BRD9: variants seen among roughly 807,000 people sequenced by gnomAD.
BRD9 encodes bromodomain-containing protein 9.
BRD9 carries 47 observed loss-of-function variants against 68.7 expected under a neutral mutation model. The observed-to-expected ratio is 0.68, with a 90% CI of 0.54 to 0.87. The LOEUF (loss-of-function observed/expected upper bound fraction) is 0.87. Among genes scored for constraint, BRD9 ranks in the 40% least tolerant of loss-of-function variants. The pLI is 0.00. For missense variants in BRD9, 670 were observed against 748.4 expected (o/e 0.90, Z 1.22); for synonymous variants, 313 against 293.9 (o/e 1.06, Z -0.67).
At chr5:891,401 C>G in intron 2 of BRD9, 114 bp from the exon 3 acceptor site, 10 of 1,426,534 alleles carry the variant, frequency 7.0e-6, no homozygotes, top group South Asian at 5.8e-5. Context: ...AAACCCCCTC[C>G]GAGATCCTCC....
chr5:892,787 G>C lies in BRD9; in HGVS notation c.-130C>G, dbSNP rs918558451. Reference sequence around the variant, plus strand: ...TGCGCCGAGGTTGCCGAGCTCGCTGGGCCGCGCCGGAAACGGGGCGAGGCG... The same window carrying C: ...TGCGCCGAGGTTGCCGAGCTCGCTGCGCCGCGCCGGAAACGGGGCGAGGCG... On this transcript the variant is annotated 5_prime_UTR_variant, in exon 1 of 16. Coordinates refer to ENST00000467963, the MANE Select transcript of BRD9 (RefSeq NM_023924.5). 3 of 1,061,936 alleles carry C rather than the reference G, an allele frequency of 2.8e-6. No individual in the cohort carries two copies. Among genetic ancestry groups the C allele is most frequent in the East Asian group, 7.1e-5 (2 of 28,086 alleles). The allele number at this position is 1,061,936 out of a possible 1,614,324, so 65.8% of individuals were successfully genotyped here.
intron 8 of BRD9, chr5:883,244 A>G (rs1752060144): frequency 1.4e-5 from 6 of 442,988 alleles, no homozygotes. Flanking sequence ...TGAAGACTTA[A>G]TATGAAAAAA....
In BRD9 at chr5:891,655, T is replaced by C. The variant is rs1196673785; in HGVS notation, c.252A>G (p.Glu84=). 1.3e-6 allele frequency: 2 copies of C among 1,551,464 alleles called. No individual in the cohort carries two copies. Among genetic ancestry groups the C allele is most frequent in the Non-Finnish European group, 1.7e-6 (2 of 1,147,010 alleles). ...SEKEKHLDDE[E]RRKRKEEKKR... is the part of the protein sequence containing the mutation. ...GCTCCTTTACCTTTCGCTTCCTTCT[T>C]TCCTCATCGTCCAGATGCTTCTCCT... Residue 84 remains glutamate (E), a synonymous_variant, in exon 2 of 16, where the codon GAA becomes GAG. Coordinates refer to ENST00000467963, the MANE Select transcript of BRD9 (RefSeq NM_023924.5).
chr5:865,395 G>T lies in BRD9; in HGVS notation c.1693+19C>A. On this transcript the variant is annotated intron_variant, in intron 15 of 15. Transcript: ENST00000467963. ...GTGCTGGGGTCTCTGGGGATGCGGC[G>T]TGGGTGGGGGCATCTCACCCAGGTG... The T allele has an allele frequency of 6.4e-7, 1 of 1,554,910 alleles. No homozygotes were observed.
intron 8 of BRD9, 30 bp from the exon 9 acceptor site, chr5:881,212 C>A (rs751055462): frequency 1.2e-6 from 2 of 1,606,704 alleles, no homozygotes; most frequent in Non-Finnish European, 1.7e-6. Context: ...GAGCGTCTGT[C>A]CCTCAGGAGG....
Position 865,476 on chromosome 5 carries a change from G to C in BRD9, c.1631C>G (p.Ser544Cys), listed in dbSNP as rs371628322. The C allele has an allele frequency of 1.3e-5, 21 of 1,599,874 alleles. No individual in the cohort carries two copies. Among genetic ancestry groups the C allele is most frequent in the Non-Finnish European group, 1.8e-5 (21 of 1,171,888 alleles). ...GGAGCTGAGGTTGGACGACGGCCGAGAGCCGCCGCGCTCCGCCTGTGCTTC... is the reference window on the plus strand; with the variant it reads ...GGAGCTGAGGTTGGACGACGGCCGACAGCCGCCGCGCTCCGCCTGTGCTTC... ...LHEAQAERGGSRPSSNLSSLS... is the reference protein window; with the variant it reads ...LHEAQAERGGCRPSSNLSSLS... Residue 544 changes from serine (S) to cysteine (C), a missense_variant, in exon 15 of 16, where the codon TCT becomes TGT. This residue lies in a region of BRD9 where 280 missense variants were observed against 281.5 expected (regional missense o/e 0.99). Transcript: ENST00000467963.
intron 7 of BRD9, 42 bp from the exon 8 acceptor site, chr5:884,112 C>T (rs1434665583): frequency 6.3e-7 from 1 of 1,599,048 alleles, no homozygotes; most frequent in Non-Finnish European, 8.5e-7. Context: ...GGCAGCGTCC[C>T]CACCGCACAC....
chr5:872,497 G>A (rs537872341), intron 12 of BRD9, among the ~76,000 whole-genome samples: 1 of 152,330 alleles, frequency 6.6e-6, no homozygotes, highest in East Asian at 1.9e-4. Context: ...AGCAATGCCT[G>A]ATTCTAACGC....
chr5:880,575 T>C (rs1481237780), intron 9 of BRD9, among the ~76,000 whole-genome samples: 1 of 151,930 alleles, frequency 6.6e-6, no homozygotes, highest in Non-Finnish European at 1.5e-5. Context: ...AGCCCGCGAG[T>C]GCGTTTCAAA....
At chr5:869,692 TTC>T (rs1446279086) in intron 14 of BRD9, among the ~76,000 whole-genome samples, 1 of 152,228 alleles carries the variant, frequency 6.6e-6, no homozygotes, top group Non-Finnish European at 1.5e-5. Context: ...GCACATTTCT[TTC>T]TGACTTCAGC....
At chr5:873,355 G>T (rs146984161) in intron 12 of BRD9, among the ~76,000 whole-genome samples, 9 of 152,190 alleles carry the variant, frequency 5.9e-5, no homozygotes, top group South Asian at 2.1e-4. Flanking sequence ...TCTTCCTGAC[G>T]GGCCTGGAGG....
intron 5 of BRD9, among the ~76,000 whole-genome samples, chr5:887,936 CTT>C: frequency 6.6e-6 from 1 of 152,298 alleles, no homozygotes; most frequent in Middle Eastern, 3.4e-3. Flanking sequence ...TAGAAAAAGA[CTT>C]TGCCCCACAA....
chr5:886,304 C>T (rs1752554065), intron 7 of BRD9, among the ~76,000 whole-genome samples: 3 of 152,222 alleles, frequency 2.0e-5, no homozygotes, highest in African/African-American at 7.2e-5. Context: ...GAGGGAGGGG[C>T]CAATGATCTT....
chr5:882,516 C>A, intron 8 of BRD9: 1 of 157,212 alleles, frequency 6.4e-6, no homozygotes, highest in Non-Finnish European at 1.4e-5. Context: ...GACCACAACC[C>A]CCCAACACGC....
At chr5:881,407 T>C (rs1332850992) in intron 8 of BRD9, 3 of 587,222 alleles carry the variant, frequency 5.1e-6, no homozygotes, top group Non-Finnish European at 9.1e-6. Flanking sequence ...GGCCCTGCTA[T>C]AGGGGGTACA....
At chr5:873,896 G>T (rs1486597657) in intron 12 of BRD9, among the ~76,000 whole-genome samples, 5 of 152,138 alleles carry the variant, frequency 3.3e-5, no homozygotes, top group African/African-American at 9.7e-5. Context: ...GAAAAGACAG[G>T]GCTCCCCGAA....
chr5:876,592 C>T (rs756887348), intron 11 of BRD9, among the ~76,000 whole-genome samples: 4 of 152,150 alleles, frequency 2.6e-5, no homozygotes, highest in African/African-American at 2.4e-5. Context: ...GAGGAATGGG[C>T]GCGTGGGGCA....
At chr5:890,691 A>G (rs1753224526) in intron 3 of BRD9, among the ~76,000 whole-genome samples, 1 of 152,108 alleles carries the variant, frequency 6.6e-6, no homozygotes, top group South Asian at 2.1e-4. Context: ...CTGCGTTTTC[A>G]CTGACATGCA....
Position 891,175 on chromosome 5 carries a change from C to T in BRD9, c.380G>A (p.Arg127Gln). 6.4e-7 allele frequency: 1 copy of T among 1,551,458 alleles called. No individual in the cohort carries two copies. Among genetic ancestry groups the T allele is most frequent in the Non-Finnish European group, 8.7e-7 (1 of 1,146,856 alleles). The change falls in exon 3 of 16, where the codon CGA (arginine) becomes CAA (glutamine). Residue 127 changes from arginine (R) to glutamine (Q), a missense_variant. Transcript: ENST00000467963. ...CTTGCCTGGCTGTGTCCGGCACGCT[C>T]GGACTGGCCGATCTGGGGGCGGCTC... is the stretch of plus-strand genomic sequence containing the variant. ...EVEPPPDRPVRACRTQPAENE... is the reference protein window; with the variant it reads ...EVEPPPDRPVQACRTQPAENE...
Sources: allele counts gnomAD v4.1 joint callset (sites outside exome capture counted in the v4.1 genomes callset), GRCh38; gene constraint gnomAD v4.1.1; regional missense constraint gnomAD v4.1.1; transcripts MANE v1.5; gene names NCBI Gene and HGNC (gene_info 2026-07-23, HGNC 2026-07-21).